Variants in SLC9A5 observed in about 807,000 individuals in gnomAD.
SLC9A5 encodes solute carrier family 9 member A5, also known as sodium/hydrogen exchanger 5.
SLC9A5 carries 52 observed loss-of-function variants against 91.7 expected under a neutral mutation model. The ratio of observed to expected loss-of-function variants is 0.57; its 90% confidence interval spans 0.45 to 0.71. SLC9A5 has a LOEUF of 0.71. Ranked by LOEUF, SLC9A5 falls within the 30% of genes least tolerant of loss-of-function variation. The pLI is 0.00. For missense variants in SLC9A5, 871 were observed against 1,158.9 expected (o/e 0.75, Z 3.61); for synonymous variants, 419 against 474.5 (o/e 0.88, Z 1.52).
Position 67,257,471 on chromosome 16 carries a change from C to T in SLC9A5, c.1425+37C>T, listed in dbSNP as rs375258008. The T allele has an allele frequency of 3.1e-4, 494 of 1,613,012 alleles. No homozygotes were observed. Among genetic ancestry groups the T allele is most frequent in the Non-Finnish European group, 3.9e-4 (455 of 1,179,092 alleles). Reference sequence around the variant, plus strand: ...AACCCCAGCCCTCGCCTGTCCCTCTCGACCTTCTCCTATTTTGGGCAGAGT... The same window carrying T: ...AACCCCAGCCCTCGCCTGTCCCTCTTGACCTTCTCCTATTTTGGGCAGAGT... On this transcript the variant is annotated intron_variant, in intron 8 of 15. Transcript: ENST00000299798. The surrounding 1 kb of genome is among the most constrained non-coding windows in gnomAD (Gnocchi z 5.1).
In SLC9A5 at chr16:67,270,803, C is replaced by G. The variant is rs748437319; in HGVS notation, c.2284C>G (p.Leu762Val). The G allele has an allele frequency of 6.2e-7, 1 of 1,614,058 alleles. No individual in the cohort carries two copies. Among genetic ancestry groups the G allele is most frequent in the Non-Finnish European group, 8.5e-7 (1 of 1,179,978 alleles). ...PPSPTCAEKE[L>V]PWKSGQGDLA... ...CTCCCCAACCTGTGCAGAAAAGGAG[C>G]TCCCCTGGAAGAGTGGGCAGGGGGA... Residue 762 changes from leucine to valine, a missense_variant, in exon 16 of 16, where the codon CTC becomes GTC. Leu to Val is a conservative substitution (Grantham distance 32). Coordinates refer to ENST00000299798, the MANE Select transcript of SLC9A5 (RefSeq NM_004594.3). This position sits in a 1 kb window ranked among gnomAD's most constrained non-coding sequence, Gnocchi z 4.3.
intron 12 of SLC9A5, chr16:67,262,908 T>C (rs2035578853): frequency 6.6e-6 from 1 of 152,426 alleles, no homozygotes; most frequent in South Asian, 2.1e-4. Flanking sequence ...CACTGTGGAG[T>C]TGTGGACCCT....
chr16:67,252,527 C>G lies in SLC9A5; in HGVS notation c.188-15C>G, dbSNP rs758184323. ...TCCATAAACTGATCCATCCTGCACTCTTTTTGCATTGCAGTGTTTCACCTG... is the reference window on the plus strand; with the variant it reads ...TCCATAAACTGATCCATCCTGCACTGTTTTTGCATTGCAGTGTTTCACCTG... On this transcript the variant is annotated splice_polypyrimidine_tract_variant and intron_variant, in intron 1 of 15. Transcript: ENST00000299798. The surrounding 1 kb of genome is among the most constrained non-coding windows in gnomAD (Gnocchi z 4.0). 1.2e-6 allele frequency: 2 copies of G among 1,604,028 alleles called. No individual in the cohort carries two copies. Among genetic ancestry groups the G allele is most frequent in the Admixed American group, 1.7e-5 (1 of 59,744 alleles).
intron 12 of SLC9A5, 89 bp from the exon 13 acceptor site, chr16:67,264,263 T>C: frequency 8.7e-7 from 1 of 1,155,840 alleles, no homozygotes; most frequent in Admixed American, 2.1e-5. Flanking sequence ...TGGCAGGTCC[T>C]GTGGTGAATA....
In SLC9A5 at chr16:67,264,846, T is replaced by C. The variant is rs888783969; in HGVS notation, c.2014-194T>C. 2.6e-4 allele frequency among the ~76,000 whole-genome samples: 39 copies of C among 152,342 alleles called. 1 individual carries two copies. Among genetic ancestry groups the C allele is most frequent in the African/African-American group, 7.9e-4 (33 of 41,580 alleles). On this transcript the variant is annotated intron_variant, in intron 13 of 15. Transcript: ENST00000299798. ...CATGAGCTCCTAAGTCAGCCCACGC[T>C]GATGCATCCAGATTTCTTACTGGGG... is the stretch of plus-strand genomic sequence containing the variant.
At position 67,271,281 on chromosome 16, in the gene SLC9A5, C is replaced by G. The variant is rs1432689965; in HGVS notation, c.*71C>G. 15 of 1,370,106 alleles carry G rather than the reference C, an allele frequency of 1.1e-5. No individual in the cohort carries two copies. The highest frequency in any genetic ancestry group is 1.4e-5 in the Non-Finnish European group (14 of 994,566). The allele number at this position is 1,370,106 out of a possible 1,614,324, so 84.9% of individuals were successfully genotyped here. A position where few individuals can be genotyped will look rare whatever the true frequency, so the allele number is the denominator to read the frequency against. On this transcript the variant is annotated 3_prime_UTR_variant, in exon 16 of 16. Coordinates refer to ENST00000299798, the MANE Select transcript of SLC9A5 (RefSeq NM_004594.3). ...TGCTCCCTGGGTGATGGGTAGAGCC[C>G]TCGAAACTTGACATGGGGCCAGAAG... is the stretch of plus-strand genomic sequence containing the variant.
intron 15 of SLC9A5, among the ~76,000 whole-genome samples, chr16:67,266,866 TTA>T (rs1555500699): frequency 2.1e-5 from 3 of 145,230 alleles, no homozygotes; most frequent in Non-Finnish European, 4.5e-5. Flanking sequence ...TTTTTTTTTT[TTA>T]AATGCCATTC....
chr16:67,255,274 G>A lies in SLC9A5; in HGVS notation c.654+90G>A, dbSNP rs1301005763. 37 of 1,534,504 alleles carry A rather than the reference G, an allele frequency of 2.4e-5. No individual in the cohort carries two copies. The highest frequency in any genetic ancestry group is 5.4e-5 in the African/African-American group (4 of 73,472). On this transcript the variant is annotated intron_variant, in intron 3 of 15. Coordinates refer to ENST00000299798, the MANE Select transcript of SLC9A5 (RefSeq NM_004594.3). The surrounding 1 kb of genome is among the most constrained non-coding windows in gnomAD (Gnocchi z 4.9). ...CTGCGCAGACTCAGTCCCTTCCCTT[G>A]GGTCCCCTGGGGCAGAAATATGCTG...
At chr16:67,260,298 T>C (rs556754716) in intron 12 of SLC9A5, among the ~76,000 whole-genome samples, 8 of 133,402 alleles carry the variant, frequency 6.0e-5, no homozygotes, top group Admixed American at 2.7e-4. Context: ...GAGGTTGCAA[T>C]GAGCTGAGGT....
chr16:67,256,466 C>T lies in SLC9A5; in HGVS notation c.912-3C>T. The T allele has an allele frequency of 6.2e-7, 1 of 1,605,460 alleles. No homozygotes were observed. The highest frequency in any genetic ancestry group is 8.5e-7 in the Non-Finnish European group (1 of 1,177,768). On this transcript the variant is annotated splice_region_variant and splice_polypyrimidine_tract_variant and intron_variant, in intron 5 of 15. Coordinates refer to ENST00000299798, the MANE Select transcript of SLC9A5 (RefSeq NM_004594.3). The surrounding 1 kb of genome is among the most constrained non-coding windows in gnomAD (Gnocchi z 4.1). ...CTTGCCATGTCTCTCCATCCTCTCC[C>T]AGGGTGACCATGTGTGGCCTGGGCT...
Position 67,256,052 on chromosome 16 carries a change from G to C in SLC9A5, c.911+122G>C, listed in dbSNP as rs2035306133. Reference sequence around the variant, plus strand: ...GGTTTCCCTGAGCCCTTGTGGTAGTGGGAGCCTCAGACTGTCCTGGGGAGT... The same window carrying C: ...GGTTTCCCTGAGCCCTTGTGGTAGTCGGAGCCTCAGACTGTCCTGGGGAGT... On this transcript the variant is annotated intron_variant, in intron 5 of 15. Transcript: ENST00000299798. This position sits in a 1 kb window ranked among gnomAD's most constrained non-coding sequence, Gnocchi z 4.1. 3.7e-6 allele frequency: 4 copies of C among 1,076,800 alleles called. No homozygotes were observed. The Admixed American group carries it at 6.8e-5, about 18-fold the overall frequency. The allele number at this position is 1,076,800 out of a possible 1,614,324, so 66.7% of individuals were successfully genotyped here.
intron 15 of SLC9A5, among the ~76,000 whole-genome samples, chr16:67,267,465 T>C (rs1250711969): frequency 2.0e-5 from 3 of 152,120 alleles, no homozygotes; most frequent in African/African-American, 7.2e-5. Flanking sequence ...CCTGGCAGTC[T>C]TCCCTCCTTG....
At position 67,258,495 on chromosome 16, in the gene SLC9A5, C is replaced by G. The variant is rs748460267; in HGVS notation, c.1626+48C>G. 6.2e-6 allele frequency: 10 copies of G among 1,611,422 alleles called. No individual in the cohort carries two copies. The highest frequency in any genetic ancestry group is 7.6e-6 in the Non-Finnish European group (9 of 1,178,456). On this transcript the variant is annotated intron_variant, in intron 10 of 15. Coordinates refer to ENST00000299798, the MANE Select transcript of SLC9A5 (RefSeq NM_004594.3). This position sits in a 1 kb window ranked among gnomAD's most constrained non-coding sequence, Gnocchi z 4.5. ...GGCCAGTGGTGGGTGGGCAGATGGTCAGCAGAGCAGGACAGAAAGGGGTGG... is the reference window on the plus strand; with the variant it reads ...GGCCAGTGGTGGGTGGGCAGATGGTGAGCAGAGCAGGACAGAAAGGGGTGG...
At chr16:67,269,919 T>C (rs1326104674) in intron 15 of SLC9A5, among the ~76,000 whole-genome samples, 2 of 152,230 alleles carry the variant, frequency 1.3e-5, no homozygotes, top group African/African-American at 4.8e-5. Flanking sequence ...TCTGGCCTGC[T>C]GTTAGGTTTG....
chr16:67,257,077 C>G lies in SLC9A5; in HGVS notation c.1299C>G (p.Thr433=), dbSNP rs1344014477. 1 of 1,612,594 alleles carries G rather than the reference C, an allele frequency of 6.2e-7. No homozygotes were observed. The highest frequency in any genetic ancestry group is 8.5e-7 in the Non-Finnish European group (1 of 1,180,010). ...KVPAKDYFVA[T]TIVVVFFTVI... Reference sequence around the variant, plus strand: ...CTGCCAAGGACTACTTTGTAGCCACCACTATTGTAGTGGTCTTCTTCACAG... The same window carrying G: ...CTGCCAAGGACTACTTTGTAGCCACGACTATTGTAGTGGTCTTCTTCACAG... Residue 433 remains threonine (T), a synonymous_variant, in exon 7 of 16, where the codon ACC becomes ACG. Transcript: ENST00000299798. This position sits in a 1 kb window ranked among gnomAD's most constrained non-coding sequence, Gnocchi z 5.1.
At chr16:67,253,049 G>A (rs1318195729) in intron 2 of SLC9A5, among the ~76,000 whole-genome samples, 1 of 152,226 alleles carries the variant, frequency 6.6e-6, no homozygotes, top group Non-Finnish European at 1.5e-5. Flanking sequence ...TAACAGCTGA[G>A]CAGGAGTCTG....
At position 67,255,667 on chromosome 16, in the gene SLC9A5, T is replaced by C. The variant is rs1375774155; in HGVS notation, c.734-86T>C. On this transcript the variant is annotated intron_variant, in intron 4 of 15. Transcript: ENST00000299798. This position sits in a 1 kb window ranked among gnomAD's most constrained non-coding sequence, Gnocchi z 4.9. ...GCCCCTGGGAGTGCGGTGGGCATCA[T>C]CCCTCACTCCCTGCCAGGCAGCAGT... is the stretch of plus-strand genomic sequence containing the variant. The C allele has an allele frequency of 1.3e-5, 18 of 1,416,602 alleles. 1 individual carries two copies. The Admixed American group carries it at 3.4e-4, about 27-fold the overall frequency. 87.8% of individuals were successfully genotyped at this position (1,416,602 alleles called of 1,614,324 possible).
chr16:67,251,509 G>A (rs890792621), intron 1 of SLC9A5, among the ~76,000 whole-genome samples: 37 of 145,236 alleles, frequency 2.5e-4, no homozygotes, highest in African/African-American at 9.2e-4. Flanking sequence ...TGCCTCCCAG[G>A]TTCAAGTGAT....
Position 67,271,037 on chromosome 16 carries a change from G to A in SLC9A5, c.2518G>A (p.Ala840Thr), listed in dbSNP as rs867408319. 6 of 1,612,436 alleles carry A rather than the reference G, an allele frequency of 3.7e-6. No individual in the cohort carries two copies. The highest frequency in any genetic ancestry group is 3.3e-5 in the South Asian group (3 of 90,950). ...ACCTTCTGATCCACGCTCTAGCTTCGCCTTCCCACCGAGCCTGGCCAAGGC... is the reference window on the plus strand; with the variant it reads ...ACCTTCTGATCCACGCTCTAGCTTCACCTTCCCACCGAGCCTGGCCAAGGC... ...HLPSDPRSSF[A>T]FPPSLAKAGR... The change falls in exon 16 of 16, where the codon GCC becomes ACC. Residue 840 changes from alanine to threonine, a missense_variant. This residue lies in a region of SLC9A5 where 295 missense variants were observed against 326.0 expected (regional missense o/e 0.90). Coordinates refer to ENST00000299798, the MANE Select transcript of SLC9A5 (RefSeq NM_004594.3).
Sources: allele counts gnomAD v4.1 joint callset (sites outside exome capture counted in the v4.1 genomes callset), GRCh38; gene constraint gnomAD v4.1.1; regional missense constraint gnomAD v4.1.1; non-coding constraint Gnocchi (gnomAD v3.1); transcripts MANE v1.5; gene names NCBI Gene and HGNC (gene_info 2026-07-23, HGNC 2026-07-21).